Variants in FRMPD4 observed in about 807,000 individuals in gnomAD.
The protein encoded by FRMPD4 is FERM and PDZ domain-containing protein 4.
Under a neutral mutation model 94.1 loss-of-function variants are expected in FRMPD4, and 22 were observed. That is an observed-to-expected ratio of 0.23 (90% CI 0.17 to 0.33). The LOEUF is 0.33. Ranked by LOEUF, FRMPD4 falls within the 10% of genes least tolerant of loss-of-function variation. FRMPD4 has a pLI of 1.00. For synonymous variants in FRMPD4, 631 were observed against 548.6 expected (o/e 1.15, Z -2.10); for missense variants, 1,111 against 1,339.9 (o/e 0.83, Z 2.67).
At chrX:12,466,771 C>A (rs2057453900) in intron 1 of FRMPD4, among the ~76,000 whole-genome samples, 1 of 112,045 alleles carries the variant, frequency 8.9e-6, no homozygotes, top group South Asian at 3.7e-4. Context: ...GTGCTAAATC[C>A]ATTTGCAAAA....
At chrX:12,676,575 G>T (rs966069579) in intron 5 of FRMPD4, among the ~76,000 whole-genome samples, 2 of 112,071 alleles carry the variant, frequency 1.8e-5, no homozygotes, top group African/African-American at 6.5e-5. Context: ...TTGTTTGTTT[G>T]TTTTGCAATG....
chrX:12,560,459 C>A (rs1298486754), intron 2 of FRMPD4, among the ~76,000 whole-genome samples: 1 of 78,207 alleles, frequency 1.3e-5, no homozygotes, highest in Non-Finnish European at 2.4e-5. Context: ...TTAAGTAATG[C>A]ATTCTTTCTT....
intron 1 of FRMPD4, among the ~76,000 whole-genome samples, chrX:11,824,221 G>T (rs1418295334): frequency 9.8e-6 from 1 of 102,347 alleles, no homozygotes; most frequent in African/African-American, 3.4e-5. Flanking sequence ...TAGGTGTGTG[G>T]GTAACATCAA....
At chrX:12,444,728 A>G (rs779979990) in intron 1 of FRMPD4, among the ~76,000 whole-genome samples, 3 of 111,464 alleles carry the variant, frequency 2.7e-5, no homozygotes, top group Non-Finnish European at 3.8e-5. Context: ...CAGAAGAGCA[A>G]TAGAGTGCAA....
chrX:12,666,312 C>A (rs1278026205), intron 4 of FRMPD4, among the ~76,000 whole-genome samples: 1 of 111,366 alleles, frequency 9.0e-6, no homozygotes, highest in Admixed American at 9.5e-5. Context: ...GAGACTTAGA[C>A]TCCCACACAA....
At chrX:11,903,149 C>T (rs1245184074) in intron 3 of FRMPD4, among the ~76,000 whole-genome samples, 1 of 111,908 alleles carries the variant, frequency 8.9e-6, no homozygotes, top group Non-Finnish European at 1.9e-5. Flanking sequence ...TCTAATCTAC[C>T]ACTGGACATT....
chrX:12,323,185 T>C (rs752868851), intron 1 of FRMPD4, among the ~76,000 whole-genome samples: 1 of 111,529 alleles, frequency 9.0e-6, no homozygotes, highest in African/African-American at 3.3e-5. Context: ...GTGGGGTAAT[T>C]GAGAGAAGAT....
At chrX:12,327,776 G>T (rs2055310551) in intron 1 of FRMPD4, among the ~76,000 whole-genome samples, 1 of 106,254 alleles carries the variant, frequency 9.4e-6, no homozygotes. Context: ...CATTCAGATA[G>T]TTCATCATTT....
intron 4 of FRMPD4, among the ~76,000 whole-genome samples, chrX:12,632,542 C>T (rs1380677104): frequency 8.9e-6 from 1 of 112,113 alleles, no homozygotes; most frequent in African/African-American, 3.2e-5. Context: ...CAAGAGGATA[C>T]AATTTTCAAA....
At chrX:12,254,327 G>A (rs1383046688) in intron 1 of FRMPD4, among the ~76,000 whole-genome samples, 2 of 112,295 alleles carry the variant, frequency 1.8e-5, no homozygotes, top group Admixed American at 9.4e-5. Context: ...TCCTGAGGCT[G>A]GTGGTTACAA....
intron 1 of FRMPD4, among the ~76,000 whole-genome samples, chrX:12,146,557 T>G (rs1231150869): frequency 9.0e-6 from 1 of 111,382 alleles, no homozygotes; most frequent in Non-Finnish European, 1.9e-5. Context: ...ACCCTGAGCC[T>G]TTGCATAAAC....
intron 1 of FRMPD4, among the ~76,000 whole-genome samples, chrX:12,224,746 C>T (rs933486923): frequency 9.0e-6 from 1 of 111,493 alleles, no homozygotes; most frequent in Non-Finnish European, 1.9e-5. Flanking sequence ...TGATTTTGTG[C>T]TCTCAAGCCT....
chrX:12,363,648 T>G (rs2147995280), intron 1 of FRMPD4, among the ~76,000 whole-genome samples: 1 of 112,748 alleles, frequency 8.9e-6, no homozygotes, highest in African/African-American at 3.2e-5. Context: ...TACATAGTAT[T>G]CCACAAGTTA....
intron 1 of FRMPD4, among the ~76,000 whole-genome samples, chrX:12,182,211 C>A (rs143163889): frequency 0.017 from 1,946 of 111,490 alleles, 48 homozygotes; most frequent in African/African-American, 0.06. Context: ...CTCTTTTTAG[C>A]AAACAATTGA....
chrX:12,604,947 C>T (rs755802827), intron 2 of FRMPD4, among the ~76,000 whole-genome samples: 3 of 112,220 alleles, frequency 2.7e-5, no homozygotes, highest in Non-Finnish European at 3.8e-5. Flanking sequence ...TATGTGCTTA[C>T]ATTTTGCTGA....
At chrX:12,698,994 ATCAAACCTGGGG>A (rs1172918307) in intron 9 of FRMPD4, among the ~76,000 whole-genome samples, 3 of 112,158 alleles carry the variant, frequency 2.7e-5, no homozygotes, top group African/African-American at 9.7e-5. Context: ...AGAACTTAGA[ATCAAACCTGGGG>A]CTTTTGTCTC....
At chrX:11,968,804 T>C (rs189799088) in intron 3 of FRMPD4, among the ~76,000 whole-genome samples, 2 of 112,317 alleles carry the variant, frequency 1.8e-5, no homozygotes, top group East Asian at 5.6e-4. Flanking sequence ...TATGTTTACA[T>C]TGTTATTACT....
intron 3 of FRMPD4, among the ~76,000 whole-genome samples, chrX:11,970,591 T>C (rs1229925237): frequency 1.8e-5 from 2 of 112,275 alleles, no homozygotes; most frequent in African/African-American, 6.5e-5. Flanking sequence ...TCTTCATAGA[T>C]ATGAACTATA....
chrX:12,234,621 T>C (rs907598339), intron 1 of FRMPD4, among the ~76,000 whole-genome samples: 2 of 111,733 alleles, frequency 1.8e-5, no homozygotes, highest in African/African-American at 6.5e-5. Context: ...CCAGGAATGA[T>C]GCCAACCACC....
Sources: gnomAD v4.1 joint callset for allele counts (sites outside exome capture counted in the v4.1 genomes callset) on GRCh38, gnomAD v4.1.1 for gene constraint, MANE v1.5 for transcripts, NCBI Gene and HGNC (gene_info 2026-07-23, HGNC 2026-07-21) for gene names.